Variants in CSMD3 observed in about 807,000 individuals in gnomAD.
The protein encoded by CSMD3 is CUB and Sushi multiple domains 3.
Under a neutral mutation model 435.2 loss-of-function variants are expected in CSMD3, and 177 were observed. The ratio of observed to expected loss-of-function variants is 0.41; its 90% CI spans 0.36 to 0.46. The LOEUF (loss-of-function observed/expected upper bound fraction) is 0.46, where lower values mean the gene tolerates loss of function less well. Among genes scored for constraint, CSMD3 ranks in the 20% least tolerant of loss-of-function variants. The pLI, the probability that CSMD3 is intolerant of heterozygous loss-of-function variation, is 0.34. For missense variants in CSMD3, 4,265 were observed against 4,504.6 expected (o/e 0.95, Z 1.52); for synonymous variants, 1,656 against 1,520.5 (o/e 1.09, Z -2.07).
chr8:113,392,112 A>C (rs1165447115), intron 1 of CSMD3, among the ~76,000 whole-genome samples: 1 of 152,040 alleles, frequency 6.6e-6, no homozygotes, highest in African/African-American at 2.4e-5. Flanking sequence ...AAAAACAACA[A>C]ATTATCATTA....
intron 10 of CSMD3, among the ~76,000 whole-genome samples, chr8:112,902,508 GTTCATAGAGATACT>G (rs2130450222): frequency 6.6e-6 from 1 of 151,370 alleles, no homozygotes; most frequent in South Asian, 2.1e-4. Context: ...TGGCCCCTCA[GTTCATAGAGATACT>G]TCTAAATATA....
chr8:113,193,499 TTCTC>T (rs894375128), intron 3 of CSMD3, among the ~76,000 whole-genome samples: 1 of 130,384 alleles, frequency 7.7e-6, no homozygotes, highest in Non-Finnish European at 1.6e-5. Context: ...TTCTAATGAC[TTCTC>T]TCTGTTACTA....
At chr8:112,638,177 AATT>A (rs943506595) in intron 21 of CSMD3, among the ~76,000 whole-genome samples, 5 of 139,354 alleles carry the variant, frequency 3.6e-5, no homozygotes, top group African/African-American at 1.4e-4. Flanking sequence ...CAGAATAATA[AATT>A]ACTATTTATT....
intron 13 of CSMD3, among the ~76,000 whole-genome samples, chr8:112,727,924 G>C (rs2076999205): frequency 6.6e-6 from 1 of 151,770 alleles, no homozygotes; most frequent in Admixed American, 6.6e-5. Flanking sequence ...TTAAATCTTA[G>C]TGTCTAAAAT....
At chr8:112,982,677 A>G (rs917539006) in intron 6 of CSMD3, among the ~76,000 whole-genome samples, 1 of 151,972 alleles carries the variant, frequency 6.6e-6, no homozygotes, top group African/African-American at 2.4e-5. Context: ...CCTTATTAAT[A>G]TCATTTGAAA....
intron 10 of CSMD3, among the ~76,000 whole-genome samples, chr8:112,900,797 C>T (rs1166504939): frequency 6.6e-6 from 1 of 151,202 alleles, no homozygotes; most frequent in Non-Finnish European, 1.5e-5. Context: ...AAATCAGTGG[C>T]AACTACATGG....
At chr8:112,928,089 C>T (rs1376629520) in intron 9 of CSMD3, among the ~76,000 whole-genome samples, 1 of 152,136 alleles carries the variant, frequency 6.6e-6, no homozygotes, top group African/African-American at 2.4e-5. Context: ...GTACATCCTT[C>T]TTCTTGTAGA....
At chr8:113,354,267 T>C (rs940770720) in intron 1 of CSMD3, among the ~76,000 whole-genome samples, 1 of 152,192 alleles carries the variant, frequency 6.6e-6, no homozygotes, top group Non-Finnish European at 1.5e-5. Flanking sequence ...CTTAACTTAG[T>C]TTTGTACTCC....
intron 38 of CSMD3, among the ~76,000 whole-genome samples, chr8:112,353,974 T>C (rs1468251196): frequency 1.3e-5 from 2 of 152,122 alleles, no homozygotes; most frequent in Non-Finnish European, 1.5e-5. Context: ...CCAACTCCAG[T>C]AGCATATCAA....
intron 3 of CSMD3, among the ~76,000 whole-genome samples, chr8:113,193,014 T>C (rs1224411467): frequency 1.3e-5 from 2 of 151,536 alleles, no homozygotes; most frequent in African/African-American, 4.8e-5. Context: ...AGACCCATTA[T>C]AACAGCATTT....
chr8:112,493,999 C>T (rs746792472), intron 30 of CSMD3, among the ~76,000 whole-genome samples: 7 of 151,956 alleles, frequency 4.6e-5, no homozygotes, highest in South Asian at 2.1e-4. Context: ...TGTAAGTCAA[C>T]GATATCTTGG....
At chr8:112,756,885 C>G (rs963918989) in intron 13 of CSMD3, among the ~76,000 whole-genome samples, 3 of 151,750 alleles carry the variant, frequency 2.0e-5, no homozygotes, top group Admixed American at 1.3e-4. Context: ...TCTACTGCCT[C>G]AACCTCCCGA....
intron 10 of CSMD3, among the ~76,000 whole-genome samples, chr8:112,870,870 C>A (rs896469264): frequency 6.6e-6 from 1 of 151,458 alleles, no homozygotes; most frequent in Admixed American, 6.6e-5. Flanking sequence ...TTACAAGATG[C>A]AATGGGAGTA....
intron 22 of CSMD3, among the ~76,000 whole-genome samples, chr8:112,627,505 ACT>A (rs1284001636): frequency 6.6e-6 from 1 of 151,892 alleles, no homozygotes; most frequent in Non-Finnish European, 1.5e-5. Flanking sequence ...TGTAATTCAA[ACT>A]CTCTTTTAAA....
At chr8:112,591,331 A>G (rs1020975504) in intron 22 of CSMD3, among the ~76,000 whole-genome samples, 5 of 152,250 alleles carry the variant, frequency 3.3e-5, no homozygotes, top group Admixed American at 6.5e-5. Context: ...AAATTTGATG[A>G]TAAGAGTCAC....
At chr8:113,079,813 T>C (rs753291150) in intron 5 of CSMD3, among the ~76,000 whole-genome samples, 8 of 152,202 alleles carry the variant, frequency 5.3e-5, no homozygotes, top group Non-Finnish European at 1.0e-4. Context: ...TTCTGACTTC[T>C]TGATTACTTG....
chr8:113,254,611 T>C (rs2093364282), intron 3 of CSMD3, among the ~76,000 whole-genome samples: 1 of 152,214 alleles, frequency 6.6e-6, no homozygotes. Context: ...AATTCTACTA[T>C]GAGTTTTAAG....
chr8:113,225,387 G>A (rs1396751228), intron 3 of CSMD3, among the ~76,000 whole-genome samples: 2 of 151,406 alleles, frequency 1.3e-5, no homozygotes, highest in African/African-American at 4.8e-5. Flanking sequence ...CTTTCTACTA[G>A]TCAGATGTCC....
chr8:112,416,697 G>A (rs576090736), intron 32 of CSMD3, among the ~76,000 whole-genome samples: 1 of 151,742 alleles, frequency 6.6e-6, no homozygotes, highest in East Asian at 1.9e-4. Context: ...TGGAGTTATT[G>A]AATTAAAAAT....
Sources: gnomAD v4.1 joint callset for allele counts (sites outside exome capture counted in the v4.1 genomes callset) on GRCh38, gnomAD v4.1.1 for gene constraint, MANE v1.5 for transcripts, NCBI Gene and HGNC (gene_info 2026-07-23, HGNC 2026-07-21) for gene names.